WDR45: variants seen among roughly 807,000 people sequenced by gnomAD.
WDR45 encodes the protein WD repeat domain phosphoinositide-interacting protein 4.
A neutral mutation model predicts 27.3 loss-of-function variants in WDR45; 2 were observed. That is an observed-to-expected ratio of 0.07 (90% CI 0.03 to 0.23). The LOEUF is 0.23. Ranked by LOEUF, WDR45 falls within the 10% of genes least tolerant of loss-of-function variation. WDR45 has a pLI of 1.00. For synonymous variants in WDR45, 99 were observed against 119.2 expected (o/e 0.83, Z 1.11); for missense variants, 175 against 311.9 (o/e 0.56, Z 3.31).
chrX:49,094,204 C>T (rs1334760981), intron 2 of WDR45, among the ~76,000 whole-genome samples: 1 of 111,033 alleles, frequency 9.0e-6, no homozygotes, highest in Non-Finnish European at 1.9e-5. Flanking sequence ...TGCGGTGGCT[C>T]ACACCTGTAA....
chrX:49,096,706 A>C (rs1177509169), intron 2 of WDR45, among the ~76,000 whole-genome samples: 3 of 112,362 alleles, frequency 2.7e-5, no homozygotes, highest in Non-Finnish European at 3.8e-5. Flanking sequence ...AGCCTCACAA[A>C]GTGCTGGGAT....
intron 2 of WDR45, among the ~76,000 whole-genome samples, chrX:49,093,547 T>TA (rs60237334): frequency 7.8e-5 from 8 of 102,489 alleles, no homozygotes; most frequent in African/African-American, 2.4e-4. Context: ...TTTTTTTTTT[T>TA]AATGAGTCAG....
At chrX:49,100,475 A>T (rs1363846269) in exon 2 of WDR45, 3 of 112,685 alleles carry the variant, frequency 2.7e-5, no homozygotes, top group African/African-American at 9.8e-5. Context: ...TGACCTCGTG[A>T]TCCACCTGCC....
In WDR45 at chrX:49,074,904, C is replaced by T. The variant is rs781933055; in HGVS notation, c.982G>A (p.Val328Ile). 9.1e-6 allele frequency: 11 copies of T among 1,206,396 alleles called. No homozygotes were observed. The highest frequency in any genetic ancestry group is 3.0e-5 in the East Asian group (1 of 33,849). The change falls in exon 11 of 11, where the codon GTA becomes ATA. Residue 328 changes from valine (V) to isoleucine (I), a missense_variant. Physicochemically the swap from Val to Ile is conservative, Grantham distance 29. Coordinates refer to ENST00000376372, the MANE Select transcript of WDR45 (RefSeq NM_001029896.2). Reference protein sequence around the residue: ...KNVNSVIAICVDGTFHKYVFT... With the variant: ...KNVNSVIAICIDGTFHKYVFT... The stretch of plus-strand genomic sequence containing the variant: ...ACATATTTGTGGAAGGTCCCATCTA[C>T]GCAGATGGCTGGGGGAGGGGGGGTG...
At chrX:49,090,724 G>C (rs1557086493) in intron 2 of WDR45, among the ~76,000 whole-genome samples, 1 of 104,284 alleles carries the variant, frequency 9.6e-6, no homozygotes, top group African/African-American at 3.6e-5. Context: ...TTTTAACATG[G>C]GCAGAGTTTC....
chrX:49,077,281 C>T (rs887635393), intron 4 of WDR45: 1 of 243,794 alleles, frequency 4.1e-6, no homozygotes, highest in African/African-American at 2.7e-5. Context: ...TTGGATGAGT[C>T]ACTTAACTGC....
At chrX:49,077,528 C>G (rs1295824108) in intron 4 of WDR45, 115 bp downstream of exon 4, 1 of 643,336 alleles carries the variant, frequency 1.6e-6, no homozygotes, top group African/African-American at 2.2e-5. Flanking sequence ...TGTAGGCCTC[C>G]TCTCTGTGTG....
At chrX:49,090,355 A>AC (rs1318364075) in intron 2 of WDR45, among the ~76,000 whole-genome samples, 4 of 111,099 alleles carry the variant, frequency 3.6e-5, no homozygotes, top group Admixed American at 9.6e-5. Context: ...TGGCCACCAC[A>AC]CCCGGCCCAA....
chrX:49,090,193 A>T (rs2065099663), intron 2 of WDR45, among the ~76,000 whole-genome samples: 1 of 109,956 alleles, frequency 9.1e-6, no homozygotes, highest in African/African-American at 3.3e-5. Flanking sequence ...CCTTCCGAGT[A>T]ACTGGGATTA....
upstream of WDR45, among the ~76,000 whole-genome samples, chrX:49,082,741 TCTCA>T (rs1190222622): frequency 9.0e-6 from 1 of 110,689 alleles, no homozygotes; most frequent in East Asian, 2.8e-4. Context: ...TAAGATGGAG[TCTCA>T]CTCTGTCACC....
intron 6 of WDR45, 81 bp from the exon 7 acceptor site, chrX:49,076,026 A>G: frequency 1.2e-6 from 1 of 837,733 alleles, no homozygotes; most frequent in Non-Finnish European, 1.7e-6. Flanking sequence ...GATGAGGACC[A>G]GACTTCAACC....
chrX:49,086,455 A>G (rs1347523435), intron 2 of WDR45, among the ~76,000 whole-genome samples: 1 of 110,269 alleles, frequency 9.1e-6, no homozygotes, highest in Non-Finnish European at 1.9e-5. Flanking sequence ...GCCTGGCCCA[A>G]CATCTCTTTA....
At chrX:49,078,006 C>T (rs782109226) in intron 2 of WDR45, 35 bp downstream of exon 2, 1 of 1,210,342 alleles carries the variant, frequency 8.3e-7, no homozygotes, top group African/African-American at 1.7e-5. Flanking sequence ...TTCCTCGCTT[C>T]CTCCCACAAG....
chrX:49,076,333 CTGTG>C (rs1337372005), intron 6 of WDR45, 93 bp downstream of exon 6: 28 of 905,697 alleles, frequency 3.1e-5, no homozygotes, highest in Admixed American at 1.6e-4. Context: ...CCCCATTTCT[CTGTG>C]TGTGAGTGCC....
Position 49,075,981 on chromosome X carries a change from G to A in WDR45, c.437-36C>T, listed in dbSNP as rs781835252. 1.5e-4 allele frequency: 158 copies of A among 1,089,228 alleles called. No homozygotes were observed. The highest frequency in any genetic ancestry group is 1.9e-4 in the Non-Finnish European group (150 of 790,506). 89.8% of individuals were successfully genotyped at this position (1,089,228 alleles called of 1,213,427 possible). On this transcript the variant is annotated intron_variant, in intron 6 of 10. Coordinates refer to ENST00000376372, the MANE Select transcript of WDR45 (RefSeq NM_001029896.2). ...AAGATGGGGGGTGGGGTGGGCGGCT[G>A]AAGAGGAGGCAGCATCTCAGAATGG...
intron 2 of WDR45, among the ~76,000 whole-genome samples, chrX:49,085,962 C>T (rs1197344032): frequency 2.7e-5 from 3 of 112,451 alleles, no homozygotes; most frequent in Non-Finnish European, 5.6e-5. Flanking sequence ...TTAATTGTAT[C>T]TATATCTCAG....
At chrX:49,077,297 G>A (rs2065043402) in intron 4 of WDR45, 1 of 268,073 alleles carries the variant, frequency 3.7e-6, no homozygotes, top group African/African-American at 2.8e-5. Context: ...ACTGCACTGG[G>A]CCTCAGTTTC....
Position 49,078,115 on chromosome X carries a change from G to A in WDR45, c.-17-3C>T. On this transcript the variant is annotated splice_polypyrimidine_tract_variant and splice_region_variant and intron_variant, in intron 1 of 10. Transcript: ENST00000376372. ...AGTCATGGTGCAGGATTGTTCCTCT[G>A]CATACAAATGGGATAAAGATGAGAA... 8.3e-7 allele frequency: 1 copy of A among 1,206,762 alleles called. No individual in the cohort carries two copies. Among genetic ancestry groups the A allele is most frequent in the Non-Finnish European group, 1.1e-6 (1 of 890,923 alleles).
intron 6 of WDR45, 131 bp downstream of exon 6, chrX:49,076,299 G>T: frequency 1.4e-6 from 1 of 716,971 alleles, no homozygotes; most frequent in Non-Finnish European, 2.1e-6. Flanking sequence ...GAGGCTATGA[G>T]TGTGAGCATC....
Sources: allele counts gnomAD v4.1 joint callset (sites outside exome capture counted in the v4.1 genomes callset), GRCh38; gene constraint gnomAD v4.1.1; transcripts MANE v1.5; gene names NCBI Gene and HGNC (gene_info 2026-07-23, HGNC 2026-07-21).